Variants in TBX5 observed in about 807,000 individuals in gnomAD.
TBX5 encodes T-box transcription factor 5.
Under a neutral mutation model 51.1 loss-of-function variants are expected in TBX5, and 8 were observed. The observed-to-expected ratio is 0.16, with a 90% CI of 0.09 to 0.28. The LOEUF is 0.28. TBX5 is among the 10% of genes least tolerant of loss of function. The pLI is 1.00. For synonymous variants in TBX5, 302 were observed against 266.4 expected (o/e 1.13, Z -1.30); for missense variants, 589 against 671.7 (o/e 0.88, Z 1.36).
intron 5 of TBX5, among the ~76,000 whole-genome samples, chr12:114,395,440 G>A (rs1435303019): frequency 6.6e-6 from 1 of 152,264 alleles, no homozygotes; most frequent in South Asian, 2.1e-4. Context: ...GAGGCTTAGG[G>A]TGGGTGATCA....
chr12:114,406,666 A>C (rs1015283060), upstream of TBX5, among the ~76,000 whole-genome samples: 34 of 152,092 alleles, frequency 2.2e-4, 1 homozygote, highest in Admixed American at 2.0e-3. Context: ...GCCGAGATCA[A>C]AGATGCTAAG....
intron 7 of TBX5, among the ~76,000 whole-genome samples, chr12:114,367,267 A>AG (rs1555224059): frequency 1.7e-4 from 19 of 109,896 alleles, no homozygotes; most frequent in African/African-American, 5.4e-4. Context: ...GAAAGAAAAG[A>AG]AAAGAAAAAA....
intron 8 of TBX5, 143 bp from the exon 9 acceptor site, chr12:114,356,249 G>C (rs1868910674): frequency 4.7e-6 from 4 of 844,720 alleles, no homozygotes; most frequent in Admixed American, 2.0e-5. Flanking sequence ...CAAAAAAAGG[G>C]GGTTGGATTG....
chr12:114,389,079 C>A (rs939102530), intron 6 of TBX5, among the ~76,000 whole-genome samples: 1 of 151,934 alleles, frequency 6.6e-6, no homozygotes, highest in Non-Finnish European at 1.5e-5. Flanking sequence ...CAGGTGCCCA[C>A]CAACACACCT....
At chr12:114,371,016 A>G (rs962895688) in intron 7 of TBX5, among the ~76,000 whole-genome samples, 1 of 152,090 alleles carries the variant, frequency 6.6e-6, no homozygotes, top group Non-Finnish European at 1.5e-5. Flanking sequence ...AGCCCATTAT[A>G]TCAGCCACCT....
At chr12:114,397,959 C>T (rs752961832) in intron 5 of TBX5, among the ~76,000 whole-genome samples, 5 of 152,186 alleles carry the variant, frequency 3.3e-5, no homozygotes, top group Non-Finnish European at 5.9e-5. Context: ...ATATGGCTTT[C>T]ATTGTGGTCC....
At chr12:114,401,308 G>A (rs1593883308) in intron 3 of TBX5, among the ~76,000 whole-genome samples, 1 of 152,330 alleles carries the variant, frequency 6.6e-6, no homozygotes, top group East Asian at 1.9e-4. Flanking sequence ...AACAATGAAA[G>A]AGGTAGCGAA....
intron 5 of TBX5, among the ~76,000 whole-genome samples, chr12:114,398,296 T>C (rs933704791): frequency 2.7e-5 from 4 of 149,960 alleles, no homozygotes; most frequent in African/African-American, 9.8e-5. Flanking sequence ...AGACAGAGGA[T>C]GAAATAGTAG....
At chr12:114,373,318 C>T (rs79207002) in intron 7 of TBX5, among the ~76,000 whole-genome samples, 2,368 of 152,224 alleles carry the variant, frequency 0.016, 53 homozygotes, top group African/African-American at 0.054. Flanking sequence ...GTTTGCATAA[C>T]GGAGAACAAG....
chr12:114,394,367 G>A (rs912012873), intron 6 of TBX5, among the ~76,000 whole-genome samples: 2 of 152,124 alleles, frequency 1.3e-5, no homozygotes, highest in Non-Finnish European at 2.9e-5. Context: ...GACCCCAGCA[G>A]AAACAGTTGC....
intron 6 of TBX5, 114 bp from the exon 7 acceptor site, chr12:114,385,681 G>C: frequency 1.1e-6 from 1 of 897,300 alleles, no homozygotes; most frequent in Non-Finnish European, 1.8e-6. Context: ...GCAACCAAAA[G>C]AAGCAAATTA....
upstream of TBX5, among the ~76,000 whole-genome samples, chr12:114,406,725 C>T (rs914657437): frequency 2.6e-5 from 4 of 152,202 alleles, no homozygotes; most frequent in Admixed American, 6.5e-5. Context: ...ACCAGACGTC[C>T]CCTGCTCCAG....
chr12:114,393,984 C>T lies in TBX5; in HGVS notation c.663+757G>A, dbSNP rs774076407. Among the ~76,000 whole-genome samples the T allele has an allele frequency of 7.2e-5, 11 of 152,282 alleles. No individual in the cohort carries two copies. The South Asian group carries it at 8.3e-4, about 11-fold the overall frequency. ...CAGGAAAGTCCAATCCTAAGGATCC[C>T]GGCAACTTTGCCACCTGTGCTGTTG... On this transcript the variant is annotated intron_variant, in intron 6 of 8. Transcript: ENST00000405440.
At chr12:114,375,861 T>C (rs1870156782) in intron 7 of TBX5, among the ~76,000 whole-genome samples, 1 of 152,036 alleles carries the variant, frequency 6.6e-6, no homozygotes, top group Admixed American at 6.6e-5. Flanking sequence ...CTGAGCAACA[T>C]AGCAAGGTCT....
At chr12:114,406,352 A>T (rs1312846695), upstream of TBX5, among the ~76,000 whole-genome samples, 6 of 151,686 alleles carry the variant, frequency 4.0e-5, no homozygotes, top group East Asian at 1.2e-3. Context: ...TGCTTCTCTG[A>T]GCAAGCGGTG....
chr12:114,406,979 C>G, upstream of TBX5: 2 of 874,984 alleles, frequency 2.3e-6, no homozygotes, highest in Non-Finnish European at 1.4e-6. Flanking sequence ...GAGTCCTGTT[C>G]TGTTTCCCAT....
At chr12:114,407,705 A>C, upstream of TBX5, 1 of 926,910 alleles carries the variant, frequency 1.1e-6, no homozygotes, top group Non-Finnish European at 1.3e-6. Context: ...GAGAAGTAGC[A>C]GCACAGCAAG....
intron 7 of TBX5, among the ~76,000 whole-genome samples, chr12:114,368,826 C>T (rs1041703541): frequency 1.5e-4 from 23 of 152,220 alleles, no homozygotes; most frequent in African/African-American, 5.3e-4. Flanking sequence ...CATGAGTCTA[C>T]AGACACCCTC....
In TBX5 at chr12:114,355,377, C is replaced by G; in HGVS notation, c.*155G>C. On this transcript the variant is annotated 3_prime_UTR_variant, in exon 9 of 9. Transcript: ENST00000405440. ...TGTGGTTTCAAGCTACTGATTAGAT[C>G]AGCATCCAGCGACCTTGAGTGCAGA... The G allele has an allele frequency of 1.1e-6, 1 of 919,370 alleles. No homozygotes were observed. The highest frequency in any genetic ancestry group is 2.0e-5 in the Admixed American group (1 of 50,252). 57.0% of individuals were successfully genotyped at this position (919,370 alleles called of 1,614,324 possible).
Sources: allele counts gnomAD v4.1 joint callset (sites outside exome capture counted in the v4.1 genomes callset), GRCh38; gene constraint gnomAD v4.1.1; transcripts MANE v1.5; gene names NCBI Gene and HGNC (gene_info 2026-07-23, HGNC 2026-07-21).